The following UBE2U variants were observed in gnomAD, a reference collection of about 807,000 sequenced individuals.
UBE2U encodes ubiquitin-conjugating enzyme E2 U.
In UBE2U, 39 loss-of-function variants were observed where a neutral mutation model predicts 41.2. The observed-to-expected ratio is 0.95, with a 90% CI of 0.73 to 1.24. The LOEUF (loss-of-function observed/expected upper bound fraction) is 1.24. Among genes scored for constraint, UBE2U ranks in the 50% most tolerant of loss-of-function variants. The pLI, the probability that UBE2U is intolerant of heterozygous loss-of-function variation, is 0.00. For missense variants in UBE2U, 336 were observed against 363.1 expected, an observed-to-expected ratio of 0.93 and a Z score of 0.61; for synonymous variants, 107 against 117.8, an observed-to-expected ratio of 0.91 and a Z score of 0.60.
At chr1:64,225,587 A>C (rs1652810907) in intron 6 of UBE2U, among the ~76,000 whole-genome samples, 1 of 152,230 alleles carries the variant, frequency 6.6e-6, no homozygotes, top group Admixed American at 6.5e-5. Context: ...GTGGAAGCAA[A>C]GAGAAGAGTT....
At chr1:64,255,538 A>C (rs1488544478) in intron 8 of UBE2U, among the ~76,000 whole-genome samples, 1 of 152,222 alleles carries the variant, frequency 6.6e-6, no homozygotes, top group African/African-American at 2.4e-5. Context: ...ATACTGGCCA[A>C]CTGAATCTAG....
At chr1:64,204,689 C>G (rs373249094) in intron 1 of UBE2U, among the ~76,000 whole-genome samples, 20 of 152,300 alleles carry the variant, frequency 1.3e-4, no homozygotes, top group African/African-American at 4.8e-4. Context: ...ATGTCCATGG[C>G]TGCCACAGGC....
At chr1:64,265,220 T>C (rs746461846) in intron 9 of UBE2U, among the ~76,000 whole-genome samples, 8 of 152,174 alleles carry the variant, frequency 5.3e-5, no homozygotes, top group Non-Finnish European at 1.2e-4. Context: ...CTTCGTGACA[T>C]TGTGGAGTCA....
chr1:64,267,243 TC>T lies in UBE2U; in HGVS notation c.*37del. On this transcript the variant is annotated 3_prime_UTR_variant, in exon 10 of 10. Transcript: ENST00000371077. The stretch of plus-strand genomic sequence containing the variant: ...TATCAGATTCAAAAAATAAACAGCC[TC>T]CGCCATAGCCCAGCGTTGTGGAGCA... The T allele has an allele frequency of 6.9e-7, 1 of 1,447,752 alleles. No individual in the cohort carries two copies. The highest frequency in any genetic ancestry group is 9.1e-7 in the Non-Finnish European group (1 of 1,099,628). 89.7% of individuals were successfully genotyped at this position (1,447,752 alleles called of 1,614,324 possible). A position where few individuals can be genotyped will look rare whatever the true frequency, so the allele number is the denominator to read the frequency against.
chr1:64,231,832 GTTAA>G (rs1381113534), intron 6 of UBE2U, among the ~76,000 whole-genome samples: 1 of 152,206 alleles, frequency 6.6e-6, no homozygotes, highest in Non-Finnish European at 1.5e-5. Context: ...GTTTAAGCCA[GTTAA>G]TTAGTGATTT....
rs550548768 is a variant in UBE2U at position 64,256,977 on chromosome 1, T to C, written c.678-3626T>C. Among the ~76,000 whole-genome samples, 3 of 150,904 alleles carry C rather than the reference T, an allele frequency of 2.0e-5. No homozygotes were observed. In the South Asian group the frequency reaches 6.3e-4, roughly 31 times the overall value. The stretch of plus-strand genomic sequence containing the variant: ...GAAGCTTCTCAAAAGAAGATATACA[T>C]GCAGCCAACAAACATATGGAAAAAA... On this transcript the variant is annotated intron_variant, in intron 8 of 9. Coordinates refer to ENST00000371077, the MANE Select transcript of UBE2U (RefSeq NM_001366232.2).
At chr1:64,235,546 T>C (rs1409381491) in intron 7 of UBE2U, among the ~76,000 whole-genome samples, 1 of 152,314 alleles carries the variant, frequency 6.6e-6, no homozygotes, top group East Asian at 1.9e-4. Flanking sequence ...AGAATGCTTC[T>C]TCAACAACTC....
chr1:64,238,014 G>A (rs1338012986), intron 7 of UBE2U, among the ~76,000 whole-genome samples: 1 of 152,218 alleles, frequency 6.6e-6, no homozygotes. Flanking sequence ...GAGTCCCAAT[G>A]AGAAGACATT....
chr1:64,233,069 G>A lies in UBE2U; in HGVS notation c.595+420G>A, dbSNP rs188675318. On this transcript the variant is annotated intron_variant, in intron 7 of 9. Transcript: ENST00000371077. ...GTTGCCCAGGCTGGAGTGCAGTGAC[G>A]CAATCTCAGCTCACTACAAGCTCCG... Among the ~76,000 whole-genome samples, 557 of 151,550 alleles carry A rather than the reference G, an allele frequency of 3.7e-3. 4 individuals are homozygous for A. The highest frequency in any genetic ancestry group is 6.6e-3 in the Non-Finnish European group (449 of 67,900).
intron 4 of UBE2U, among the ~76,000 whole-genome samples, chr1:64,212,087 G>GTTCA (rs1651699552): frequency 6.6e-6 from 1 of 152,098 alleles, no homozygotes; most frequent in Admixed American, 6.5e-5. Flanking sequence ...TCAATGTTCA[G>GTTCA]TTCATTCATT....
rs141715091 is a variant in UBE2U at position 64,254,754 on chromosome 1, C to T, written c.678-5849C>T. On this transcript the variant is annotated intron_variant, in intron 8 of 9. Coordinates refer to ENST00000371077, the MANE Select transcript of UBE2U (RefSeq NM_001366232.2). ...GAACCAAGAGATGATGTACCAGAGT[C>T]TCTGGGATACAGCTAAAGTGGTGTT... Among the ~76,000 whole-genome samples the T allele has an allele frequency of 2.5e-3, 379 of 152,218 alleles. 1 individual carries two copies. Among genetic ancestry groups the T allele is most frequent in the Middle Eastern group, 0.024 (7 of 292 alleles).
chr1:64,258,517 C>T (rs1033007458), intron 8 of UBE2U, among the ~76,000 whole-genome samples: 10 of 151,700 alleles, frequency 6.6e-5, no homozygotes, highest in African/African-American at 9.7e-5. Context: ...TTCCCCGCCC[C>T]GTGTCCAGTT....
intron 3 of UBE2U, among the ~76,000 whole-genome samples, chr1:64,210,131 T>C (rs1651574847): frequency 6.6e-6 from 1 of 152,250 alleles, no homozygotes; most frequent in Non-Finnish European, 1.5e-5. Context: ...TGCAGTTGTC[T>C]TTCATCTTAG....
chr1:64,209,328 T>TC (rs929657309), intron 3 of UBE2U, among the ~76,000 whole-genome samples: 1 of 151,928 alleles, frequency 6.6e-6, no homozygotes, highest in Non-Finnish European at 1.5e-5. Context: ...TCTTTTTTTT[T>TC]CCCCCATCAC....
intron 4 of UBE2U, among the ~76,000 whole-genome samples, 174 bp from the exon 5 acceptor site, chr1:64,214,641 G>T (rs7533812): frequency 0.32 from 48,164 of 151,946 alleles, 7,885 homozygotes; most frequent in Middle Eastern, 0.39. Flanking sequence ...TGAGCCTAAG[G>T]TTAGGTTTCT....
chr1:64,207,340 G>A (rs987286975), intron 3 of UBE2U, among the ~76,000 whole-genome samples: 1 of 152,134 alleles, frequency 6.6e-6, no homozygotes, highest in African/African-American at 2.4e-5. Flanking sequence ...TAGCAGAGAT[G>A]GGGTTTCACC....
chr1:64,216,030 T>C (rs1651987371), intron 5 of UBE2U, among the ~76,000 whole-genome samples: 1 of 152,186 alleles, frequency 6.6e-6, no homozygotes, highest in African/African-American at 2.4e-5. Flanking sequence ...TATAGTACTT[T>C]TTCTCTCAGA....
In UBE2U at chr1:64,220,920, T is replaced by G. The variant is rs1652407841; in HGVS notation, c.506+13T>G. The stretch of plus-strand genomic sequence containing the variant: ...GTAAATGTATCAGGTAAGTTTTTCT[T>G]TATACAATTTATGTCGATTTATTTA... On this transcript the variant is annotated intron_variant, in intron 6 of 9. Coordinates refer to ENST00000371077, the MANE Select transcript of UBE2U (RefSeq NM_001366232.2). The G allele has an allele frequency of 6.3e-7, 1 of 1,579,912 alleles. No individual in the cohort carries two copies. Among genetic ancestry groups the G allele is most frequent in the African/African-American group, 1.4e-5 (1 of 73,414 alleles).
At chr1:64,232,779 T>G in intron 7 of UBE2U, 130 bp downstream of exon 7, 1 of 518,728 alleles carries the variant, frequency 1.9e-6, no homozygotes, top group Non-Finnish European at 3.3e-6. Context: ...AGGCTCTATA[T>G]ACTATTCATT....
Sources: gnomAD v4.1 joint callset for allele counts (sites outside exome capture counted in the v4.1 genomes callset) on GRCh38, gnomAD v4.1.1 for gene constraint, MANE v1.5 for transcripts, NCBI Gene and HGNC (gene_info 2026-07-23, HGNC 2026-07-21) for gene names.